The following LMLN variants were observed in gnomAD, a reference collection of about 807,000 sequenced individuals.
LMLN encodes leishmanolysin like peptidase, also known as leishmanolysin-like peptidase.
Under a neutral mutation model 92.3 loss-of-function variants are expected in LMLN, and 70 were observed. The ratio of observed to expected loss-of-function variants is 0.76; its 90% CI spans 0.63 to 0.92. LMLN has a LOEUF of 0.92. LMLN is among the 40% of genes least tolerant of loss of function. The pLI is 0.00. For synonymous variants in LMLN, 308 were observed against 296.2 expected (o/e 1.04, Z -0.41); for missense variants, 691 against 814.6 (o/e 0.85, Z 1.85).
intron 14 of LMLN, among the ~76,000 whole-genome samples, chr3:198,030,071 T>C (rs1723038037): frequency 6.6e-6 from 1 of 152,170 alleles, no homozygotes; most frequent in African/African-American, 2.4e-5. Flanking sequence ...CTCAAAATCC[T>C]GACCTCAAGT....
intron 11 of LMLN, among the ~76,000 whole-genome samples, chr3:198,012,071 T>C (rs932159225): frequency 6.6e-6 from 1 of 152,214 alleles, no homozygotes; most frequent in African/African-American, 2.4e-5. Flanking sequence ...TTTTTTATTT[T>C]TTAAATTTTT....
At chr3:197,980,190 G>A (rs532595285) in intron 5 of LMLN, 136 bp from the exon 6 acceptor site, 47 of 631,952 alleles carry the variant, frequency 7.4e-5, no homozygotes, top group Non-Finnish European at 1.1e-4. Context: ...AGGGAGGTAT[G>A]GATTTTGATA....
chr3:197,976,824 G>A (rs772219303), intron 5 of LMLN, 109 bp downstream of exon 5: 3 of 505,898 alleles, frequency 5.9e-6, no homozygotes, highest in Admixed American at 3.1e-5. Flanking sequence ...AGCTTCCTTG[G>A]TCTACAAAAA....
chr3:197,972,699 A>G (rs1295755721), intron 1 of LMLN, among the ~76,000 whole-genome samples: 2 of 150,638 alleles, frequency 1.3e-5, no homozygotes, highest in Non-Finnish European at 3.0e-5. Flanking sequence ...ATTTCTCTGA[A>G]TAATTTTTTT....
chr3:197,967,247 C>T (rs910565764), intron 1 of LMLN, among the ~76,000 whole-genome samples: 17 of 152,124 alleles, frequency 1.1e-4, no homozygotes, highest in African/African-American at 3.9e-4. Context: ...CGGGGGAACC[C>T]GCCCCCAATA....
intron 11 of LMLN, among the ~76,000 whole-genome samples, chr3:198,012,626 C>A: frequency 6.6e-6 from 1 of 151,598 alleles, no homozygotes; most frequent in African/African-American, 2.4e-5. Context: ...TTCAGAGTCC[C>A]CTAACTAGTC....
At chr3:198,000,304 A>G (rs1722135793) in intron 11 of LMLN, among the ~76,000 whole-genome samples, 1 of 152,248 alleles carries the variant, frequency 6.6e-6, no homozygotes, top group African/African-American at 2.4e-5. Flanking sequence ...AGTCTGAGAG[A>G]AAATTAGAAA....
intron 13 of LMLN, among the ~76,000 whole-genome samples, chr3:198,022,563 A>G (rs927012267): frequency 3.3e-5 from 5 of 152,208 alleles, no homozygotes; most frequent in African/African-American, 4.8e-5. Flanking sequence ...CATCTATTCA[A>G]TAAATGTCCT....
chr3:198,035,360 G>GTT (rs1723183898), intron 14 of LMLN, among the ~76,000 whole-genome samples: 28 of 114,674 alleles, frequency 2.4e-4, no homozygotes, highest in African/African-American at 7.9e-4. Context: ...ACCCTCTTTT[G>GTT]GTTTTTTTTT....
intron 8 of LMLN, among the ~76,000 whole-genome samples, chr3:197,989,035 T>G (rs1333977984): frequency 6.6e-6 from 1 of 152,214 alleles, no homozygotes; most frequent in Non-Finnish European, 1.5e-5. Context: ...TGTTATTTAG[T>G]CTAAACTATG....
rs1038166204 is a variant in LMLN, at chr3:198,042,590, A to T, written c.*3923A>T. ...GACAGGCTGGGCCGGCTGCAGCTGT[A>T]GTGGAAGTGAGGGACACAGGGAAGG... On this transcript the variant is annotated 3_prime_UTR_variant, in exon 16 of 16. Coordinates refer to ENST00000330198, the Ensembl canonical transcript of LMLN. This position sits in a 1 kb window ranked among gnomAD's most constrained non-coding sequence, Gnocchi z 4.2. The T allele has an allele frequency of 9.8e-5, 15 of 152,306 alleles. No homozygotes were observed. The highest frequency in any genetic ancestry group is 3.6e-4 in the African/African-American group (15 of 41,442). The allele number at this position is 152,306 out of a possible 1,614,324, so 9.4% of individuals were successfully genotyped here. A position where few individuals can be genotyped will look rare whatever the true frequency, so the allele number is the denominator to read the frequency against.
At chr3:198,039,085 T>C in exon 16 of LMLN, 1 of 152,790 alleles carries the variant, frequency 6.5e-6, no homozygotes, top group Non-Finnish European at 1.3e-5. Flanking sequence ...ACTCAACACC[T>C]TCATCTGCAA....
At chr3:198,040,054 A>G (rs1261466294) in exon 16 of LMLN, 1 of 152,260 alleles carries the variant, frequency 6.6e-6, no homozygotes, top group African/African-American at 2.4e-5. Context: ...GATGAAGATA[A>G]AAAGAAATTC....
intron 15 of LMLN, among the ~76,000 whole-genome samples, chr3:198,036,703 A>G (rs1055922825): frequency 2.0e-5 from 3 of 152,212 alleles, no homozygotes; most frequent in African/African-American, 4.8e-5. Flanking sequence ...CGCCTTCCCC[A>G]TGAAATTGAC....
chr3:198,006,711 CTT>C (rs1292869368), intron 11 of LMLN, among the ~76,000 whole-genome samples: 1 of 151,266 alleles, frequency 6.6e-6, no homozygotes, highest in African/African-American at 2.4e-5. Context: ...CAAATTGTCT[CTT>C]TGTCTTTTTT....
At chr3:197,968,053 C>T (rs771268234) in intron 1 of LMLN, among the ~76,000 whole-genome samples, 1 of 152,188 alleles carries the variant, frequency 6.6e-6, no homozygotes, top group Non-Finnish European at 1.5e-5. Context: ...TTCAAACACA[C>T]ATGTTTTACA....
At chr3:197,969,548 C>T (rs959161018) in intron 1 of LMLN, among the ~76,000 whole-genome samples, 7 of 151,984 alleles carry the variant, frequency 4.6e-5, no homozygotes, top group Non-Finnish European at 1.0e-4. Context: ...GCATTCTAGT[C>T]GAATTTTGTT....
chr3:198,026,599 C>T (rs1285859464), intron 14 of LMLN, among the ~76,000 whole-genome samples: 1 of 152,248 alleles, frequency 6.6e-6, no homozygotes, highest in Admixed American at 6.5e-5. Context: ...GCCACCAGTC[C>T]TGGCCGAATA....
intron 14 of LMLN, among the ~76,000 whole-genome samples, chr3:198,027,999 G>A (rs183687776): frequency 6.6e-6 from 1 of 152,012 alleles, no homozygotes; most frequent in Non-Finnish European, 1.5e-5. Flanking sequence ...ATTATTAATA[G>A]ACTTTATTTT....
Sources: gnomAD v4.1 joint callset for allele counts (sites outside exome capture counted in the v4.1 genomes callset) on GRCh38, gnomAD v4.1.1 for gene constraint, Gnocchi (gnomAD v3.1) non-coding constraint, MANE v1.5 for transcripts, NCBI Gene and HGNC (gene_info 2026-07-23, HGNC 2026-07-21) for gene names.